Variants in DMTN observed in about 807,000 individuals in gnomAD.
DMTN encodes dematin actin binding protein, also known as dematin.
Under a neutral mutation model 59.4 loss-of-function variants are expected in DMTN, and 27 were observed. The ratio of observed to expected loss-of-function variants is 0.45; its 90% CI spans 0.33 to 0.63. The LOEUF is 0.63. DMTN is among the 20% of genes least tolerant of loss of function. The pLI, the probability that DMTN is intolerant of heterozygous loss-of-function variation, is 0.02. For synonymous variants in DMTN, 221 were observed against 203.7 expected, an observed-to-expected ratio of 1.08 and a Z score of -0.72; for missense variants, 451 against 528.9, an observed-to-expected ratio of 0.85 and a Z score of 1.45.
At chr8:22,071,992 C>T (rs1440094247) in intron 8 of DMTN, among the ~76,000 whole-genome samples, 1 of 152,054 alleles carries the variant, frequency 6.6e-6, no homozygotes, top group Non-Finnish European at 1.5e-5. Flanking sequence ...TTACTGGGCT[C>T]AAGCAATCCA....
chr8:22,066,491 C>G (rs534735901), intron 1 of DMTN: 4 of 159,694 alleles, frequency 2.5e-5, no homozygotes, highest in Admixed American at 6.5e-5. Context: ...GCCGGCTGAC[C>G]CCTGCCGTCA....
At chr8:22,081,285 C>T (rs1824126017) in intron 15 of DMTN, 65 bp from the exon 16 acceptor site, 5 of 1,594,736 alleles carry the variant, frequency 3.1e-6, no homozygotes, top group East Asian at 2.2e-5. Context: ...GAGTGAGTGT[C>T]CCCTAGGTCA....
intron 10 of DMTN, among the ~76,000 whole-genome samples, chr8:22,074,059 A>G (rs1174214073): frequency 6.6e-6 from 1 of 152,234 alleles, no homozygotes; most frequent in Non-Finnish European, 1.5e-5. Context: ...CCATTTATTG[A>G]GCGTTTACCA....
upstream of DMTN, among the ~76,000 whole-genome samples, chr8:22,050,159 T>C (rs533020752): frequency 1.3e-5 from 2 of 152,328 alleles, no homozygotes; most frequent in South Asian, 4.1e-4. Context: ...GGTAGTTTTC[T>C]GGGATGTGTG....
At chr8:22,073,940 A>C (rs1817789424) in intron 10 of DMTN, 105 bp downstream of exon 10, 1 of 849,266 alleles carries the variant, frequency 1.2e-6, no homozygotes. Flanking sequence ...CCTGACCCAA[A>C]GCACGGCTGC....
intron 9 of DMTN, 81 bp downstream of exon 9, chr8:22,072,531 C>T: frequency 7.1e-7 from 1 of 1,399,748 alleles, no homozygotes; most frequent in South Asian, 1.4e-5. Flanking sequence ...GTGGCATGAT[C>T]TCAGATCACT....
chr8:22,073,110 G>A (rs1282153382), intron 9 of DMTN, among the ~76,000 whole-genome samples: 1 of 152,228 alleles, frequency 6.6e-6, no homozygotes, highest in East Asian at 1.9e-4. Context: ...CATGGGCCTA[G>A]GCTCTGAGCA....
upstream of DMTN, among the ~76,000 whole-genome samples, chr8:22,050,500 C>A (rs1002045326): frequency 1.3e-5 from 2 of 152,096 alleles, no homozygotes; most frequent in African/African-American, 4.8e-5. Flanking sequence ...GTCTTGCCTC[C>A]GCTTTCTTCT....
At chr8:22,073,890 CTG>C in intron 10 of DMTN, 55 bp downstream of exon 10, 5 of 1,445,532 alleles carry the variant, frequency 3.5e-6, no homozygotes, top group Non-Finnish European at 4.9e-6. Flanking sequence ...AGGCCTGACT[CTG>C]TGCATCTGTT....
intron 1 of DMTN, among the ~76,000 whole-genome samples, chr8:22,064,044 G>A (rs1273389621): frequency 6.6e-6 from 1 of 152,100 alleles, no homozygotes; most frequent in African/African-American, 2.4e-5. Context: ...ATGGATTCAG[G>A]GATGGATGGA....
Position 22,060,871 on chromosome 8 carries a change from G to A in DMTN, c.-172+3735G>A, listed in dbSNP as rs77699474. On this transcript the variant is annotated intron_variant, in intron 1 of 15. Coordinates refer to ENST00000358242, the MANE Select transcript of DMTN (RefSeq NM_001387751.1). This position sits in a 1 kb window ranked among gnomAD's most constrained non-coding sequence, Gnocchi z 5.0. The stretch of plus-strand genomic sequence containing the variant: ...CTGAGCTTAGATTCCACACAATACT[G>A]TGTCCTTGACCAACTACTTAACTTG... Among the ~76,000 whole-genome samples the A allele has an allele frequency of 7.2e-3, 1,091 of 152,346 alleles. 6 individuals are homozygous for A. The highest frequency in any genetic ancestry group is 0.025 in the African/African-American group (1,041 of 41,572).
intron 4 of DMTN, 137 bp downstream of exon 4, chr8:22,067,819 A>T: frequency 9.7e-7 from 1 of 1,035,208 alleles, no homozygotes; most frequent in South Asian, 1.6e-5. Context: ...CGCAGGAACC[A>T]ACCAGTCAGT....
At chr8:22,054,934 A>T (rs973676263), upstream of DMTN, 1 of 152,542 alleles carries the variant, frequency 6.6e-6, no homozygotes, top group Non-Finnish European at 1.5e-5. Context: ...TGGAGAGGAG[A>T]TGCGCCGAGG....
Position 22,066,883 on chromosome 8 carries a change from G to T in DMTN, c.8G>T (p.Arg3Leu), listed in dbSNP as rs929823832. 3 of 1,308,756 alleles carry T rather than the reference G, an allele frequency of 2.3e-6. No homozygotes were observed. The highest frequency in any genetic ancestry group is 1.9e-6 in the Non-Finnish European group (2 of 1,027,324). The allele number at this position is 1,308,756 out of a possible 1,614,324, so 81.1% of individuals were successfully genotyped here. A position where few individuals can be genotyped will look rare whatever the true frequency, so the allele number is the denominator to read the frequency against. ...GGGCGAGCTCCGTGCTGCATGGAAC[G>T]GCTGCAGAAGGTGCGCGGCGCCGCC... is the stretch of plus-strand genomic sequence containing the variant. ME[R>L]LQKQPLTSPG... is the part of the protein sequence containing the mutation. Residue 3 changes from arginine (R) to leucine (L), a missense_variant, in exon 2 of 16, where the codon CGG (arginine) becomes CTG (leucine). Arg to Leu is a moderately radical substitution (Grantham distance 102). Coordinates refer to ENST00000358242, the MANE Select transcript of DMTN (RefSeq NM_001387751.1).
chr8:22,067,240 C>T, intron 3 of DMTN, 81 bp downstream of exon 3: 2 of 1,453,656 alleles, frequency 1.4e-6, no homozygotes, highest in South Asian at 1.2e-5. Flanking sequence ...GCGTGCCTTC[C>T]CGCAGAGCCT....
chr8:22,081,187 G>A lies in DMTN; in HGVS notation c.1098G>A (p.Arg366=), dbSNP rs1397398809. Residue 366 remains arginine, a synonymous_variant, in exon 15 of 16, where the codon CGG becomes CGA. Coordinates refer to ENST00000358242, the MANE Select transcript of DMTN (RefSeq NM_001387751.1). ...TGCCACCGGGGGTGGATCGGATGCG[G>A]CTTGAGGTAGGCAAGGAAGATGCCC... ...TKLPPGVDRM[R]LERHLSAEDF... 1.9e-6 allele frequency: 3 copies of A among 1,613,448 alleles called. No individual in the cohort carries two copies. Among genetic ancestry groups the A allele is most frequent in the East Asian group, 4.5e-5 (2 of 44,838 alleles).
chr8:22,081,583 G>C lies in DMTN; in HGVS notation c.*120G>C. 1 of 815,392 alleles carries C rather than the reference G, an allele frequency of 1.2e-6. No individual in the cohort carries two copies. Among genetic ancestry groups the C allele is most frequent in the South Asian group, 1.6e-5 (1 of 63,450 alleles). The allele number at this position is 815,392 out of a possible 1,614,324, so 50.5% of individuals were successfully genotyped here. A position where few individuals can be genotyped will look rare whatever the true frequency, so the allele number is the denominator to read the frequency against. ...GGGTGGGCTCCTTTCCTCAGGTAGA[G>C]TGGGGGGCCAAAACCTCTGCAGTCC... On this transcript the variant is annotated 3_prime_UTR_variant, in exon 16 of 16. Coordinates refer to ENST00000358242, the MANE Select transcript of DMTN (RefSeq NM_001387751.1).
chr8:22,067,582 A>G lies in DMTN; in HGVS notation c.149A>G (p.Asp50Gly). Residue 50 changes from aspartate (D) to glycine (G), a missense_variant, in exon 4 of 16, where the codon GAC becomes GGC. By Grantham distance (94) the Asp-to-Gly change is moderately conservative. Transcript: ENST00000358242. ...GYKDLAAIPKDKAILDIERPD... is the reference protein window; with the variant it reads ...GYKDLAAIPKGKAILDIERPD... ...AAGGACCTGGCTGCCATCCCCAAGG[A>G]CAAGGCCATCCTGGACATCGAGCGG... is the stretch of plus-strand genomic sequence containing the variant. 1 of 1,614,152 alleles carries G rather than the reference A, an allele frequency of 6.2e-7. No individual in the cohort carries two copies. The highest frequency in any genetic ancestry group is 8.5e-7 in the Non-Finnish European group (1 of 1,180,018).
chr8:22,068,016 G>A (rs1333821122), intron 4 of DMTN, among the ~76,000 whole-genome samples: 2 of 152,204 alleles, frequency 1.3e-5, no homozygotes, highest in Non-Finnish European at 2.9e-5. Flanking sequence ...GTGATGTTGT[G>A]GCCTCAGCTT....
Sources: allele counts gnomAD v4.1 joint callset (sites outside exome capture counted in the v4.1 genomes callset), GRCh38; gene constraint gnomAD v4.1.1; non-coding constraint Gnocchi (gnomAD v3.1); transcripts MANE v1.5; gene names NCBI Gene and HGNC (gene_info 2026-07-23, HGNC 2026-07-21).